TTF2: variants seen among roughly 807,000 people sequenced by gnomAD.
TTF2 encodes transcription termination factor 2.
A neutral mutation model predicts 142.4 loss-of-function variants in TTF2; 108 were observed. That is an observed-to-expected ratio of 0.76 (90% confidence interval 0.65 to 0.89). The LOEUF (loss-of-function observed/expected upper bound fraction) is 0.89, where lower values mean the gene tolerates loss of function less well. Ranked by LOEUF, TTF2 falls within the 40% of genes least tolerant of loss-of-function variation. TTF2 has a pLI of 0.00. For missense variants in TTF2, 1,327 were observed against 1,379.8 expected (o/e 0.96, Z 0.61); for synonymous variants, 483 against 506.2 (o/e 0.95, Z 0.61).
rs1656872823 is a variant in TTF2 at position 117,074,959 on chromosome 1, A to G, written c.375A>G (p.Pro125=). 2 of 1,613,922 alleles carry G rather than the reference A, an allele frequency of 1.2e-6. No homozygotes were observed. The highest frequency in any genetic ancestry group is 1.7e-6 in the Non-Finnish European group (2 of 1,180,036). The part of the protein sequence containing the change: ...FHHSSNWLRN[P]FKVLDKNQEP... Reference sequence around the variant, plus strand: ...ATTCTTCCAACTGGCTGAGAAATCCATTCAAGGTACTTGACAAGAATCAAG... The same window carrying G: ...ATTCTTCCAACTGGCTGAGAAATCCGTTCAAGGTACTTGACAAGAATCAAG... The change falls in exon 5 of 23, where the codon CCA becomes CCG. Residue 125 remains proline, a synonymous_variant. Coordinates refer to ENST00000369466, the MANE Select transcript of TTF2 (RefSeq NM_003594.4).
chr1:117,075,976 A>G lies in TTF2; in HGVS notation c.1275+117A>G, dbSNP rs575688979. 87 of 1,426,110 alleles carry G rather than the reference A, an allele frequency of 6.1e-5. No homozygotes were observed. The African/African-American group carries it at 1.1e-3, about 18-fold the overall frequency. 88.3% of individuals were successfully genotyped at this position (1,426,110 alleles called of 1,614,324 possible). ...GTTCATGTGAAGGTTTTATAGGTGCATGTTCAGTTTCTGCCTTTTCCCCTA... is the reference window on the plus strand; with the variant it reads ...GTTCATGTGAAGGTTTTATAGGTGCGTGTTCAGTTTCTGCCTTTTCCCCTA... On this transcript the variant is annotated intron_variant, in intron 5 of 22. Coordinates refer to ENST00000369466, the MANE Select transcript of TTF2 (RefSeq NM_003594.4). The surrounding 1 kb of genome is among the most constrained non-coding windows in gnomAD (Gnocchi z 4.5).
rs1297218462 is a variant in TTF2 at position 117,070,083 on chromosome 1, T to C, written c.219-3578T>C. On this transcript the variant is annotated intron_variant, in intron 3 of 22. Coordinates refer to ENST00000369466, the MANE Select transcript of TTF2 (RefSeq NM_003594.4). The surrounding 1 kb of genome is among the most constrained non-coding windows in gnomAD (Gnocchi z 4.2). ...AATCAGAAAAGCTCATCCAGATTGA[T>C]TTTAATTAAAAATGTAAGGGAAAGC... Among the ~76,000 whole-genome samples, 1 of 152,222 alleles carries C rather than the reference T, an allele frequency of 6.6e-6. No homozygotes were observed. The highest frequency in any genetic ancestry group is 6.5e-5 in the Admixed American group (1 of 15,278).
chr1:117,063,918 C>T lies in TTF2; in HGVS notation c.218+1445C>T, dbSNP rs1425406955. On this transcript the variant is annotated intron_variant, in intron 3 of 22. Coordinates refer to ENST00000369466, the MANE Select transcript of TTF2 (RefSeq NM_003594.4). The surrounding 1 kb of genome is among the most constrained non-coding windows in gnomAD (Gnocchi z 4.1). ...TATATTCTATACAATTTTATCCTGT[C>T]GAGTCATGTATCTACCACTACAGTC... is the stretch of plus-strand genomic sequence containing the variant. Among the ~76,000 whole-genome samples the T allele has an allele frequency of 1.3e-5, 2 of 152,092 alleles. No individual in the cohort carries two copies. The highest frequency in any genetic ancestry group is 4.8e-5 in the African/African-American group (2 of 41,400).
In TTF2 at chr1:117,090,496, A is replaced by G. The variant is rs746654648; in HGVS notation, c.2497-36A>G. ...GTTCTATAATAGGCAGTTAATTTGT[A>G]TAGCTTCATGCCAGCTTTTTTTTTT... is the stretch of plus-strand genomic sequence containing the variant. On this transcript the variant is annotated intron_variant, in intron 14 of 22. Coordinates refer to ENST00000369466, the MANE Select transcript of TTF2 (RefSeq NM_003594.4). This position sits in a 1 kb window ranked among gnomAD's most constrained non-coding sequence, Gnocchi z 4.8. The G allele has an allele frequency of 3.2e-5, 50 of 1,585,114 alleles. No individual in the cohort carries two copies. Among genetic ancestry groups the G allele is most frequent in the Middle Eastern group, 3.3e-4 (2 of 5,988 alleles).
At chr1:117,064,821 T>G (rs920331799) in intron 3 of TTF2, among the ~76,000 whole-genome samples, 1 of 63,292 alleles carries the variant, frequency 1.6e-5, no homozygotes, top group Non-Finnish European at 3.3e-5. Flanking sequence ...ACCTGGCCTG[T>G]TTTTTTTTTT....
chr1:117,081,118 T>A (rs573857691), intron 9 of TTF2, among the ~76,000 whole-genome samples: 12 of 152,234 alleles, frequency 7.9e-5, no homozygotes, highest in Non-Finnish European at 1.8e-4. Flanking sequence ...TAAGCAGGCC[T>A]TTCAAAGGAT....
chr1:117,065,161 TA>T (rs1655988495), intron 3 of TTF2, among the ~76,000 whole-genome samples: 1 of 152,238 alleles, frequency 6.6e-6, no homozygotes, highest in Non-Finnish European at 1.5e-5. Context: ...TTGGCTGCTC[TA>T]GGATCTTTGC....
chr1:117,101,300 T>C lies in TTF2; in HGVS notation c.3345-80T>C. 7.2e-7 allele frequency: 1 copy of C among 1,380,296 alleles called. No individual in the cohort carries two copies. Among genetic ancestry groups the C allele is most frequent in the Non-Finnish European group, 9.7e-7 (1 of 1,032,400 alleles). 85.5% of individuals were successfully genotyped at this position (1,380,296 alleles called of 1,614,324 possible). A position where few individuals can be genotyped will look rare whatever the true frequency, so the allele number is the denominator to read the frequency against. ...AGAAATCTCATTAAAAATGAAAGCA[T>C]AATAAAAGTTTGAATATATTATTAG... On this transcript the variant is annotated intron_variant, in intron 22 of 22. Coordinates refer to ENST00000369466, the MANE Select transcript of TTF2 (RefSeq NM_003594.4). The surrounding 1 kb of genome is among the most constrained non-coding windows in gnomAD (Gnocchi z 5.9).
At chr1:117,066,695 CT>C (rs530588185) in intron 3 of TTF2, among the ~76,000 whole-genome samples, 86,051 of 114,984 alleles carry the variant, frequency 0.75, 33,566 homozygotes, top group East Asian at 0.86. Context: ...CTAATCATGT[CT>C]TTTTTTTTTT....
rs1010792328 is a variant in TTF2, at chr1:117,087,004, G to A, written c.2160+482G>A. 6.6e-6 allele frequency among the ~76,000 whole-genome samples: 1 copy of A among 151,892 alleles called. No homozygotes were observed. The highest frequency in any genetic ancestry group is 2.4e-5 in the African/African-American group (1 of 41,320). On this transcript the variant is annotated intron_variant, in intron 12 of 22. Transcript: ENST00000369466. The surrounding 1 kb of genome is among the most constrained non-coding windows in gnomAD (Gnocchi z 4.8). ...GAGGCTAAGTGACAATTGTGAATACGTGATGGTCTTCTAGGGTGTCCAGGG... is the reference window on the plus strand; with the variant it reads ...GAGGCTAAGTGACAATTGTGAATACATGATGGTCTTCTAGGGTGTCCAGGG...
rs1321081865 is a variant in TTF2, at chr1:117,070,895, A to G, written c.219-2766A>G. 6.6e-6 allele frequency among the ~76,000 whole-genome samples: 1 copy of G among 152,148 alleles called. No homozygotes were observed. The highest frequency in any genetic ancestry group is 1.5e-5 in the Non-Finnish European group (1 of 68,024). On this transcript the variant is annotated intron_variant, in intron 3 of 22. Transcript: ENST00000369466. The surrounding 1 kb of genome is among the most constrained non-coding windows in gnomAD (Gnocchi z 4.2). ...TTATGTGTCCTGGTGAAGTAGTGGC[A>G]TCAAGGGACCAGGACCTGCTCAGGA...
chr1:117,079,641 G>A lies in TTF2; in HGVS notation c.1775G>A (p.Gly592Glu). The A allele has an allele frequency of 6.2e-7, 1 of 1,614,196 alleles. No homozygotes were observed. The highest frequency in any genetic ancestry group is 8.5e-7 in the Non-Finnish European group (1 of 1,180,014). Residue 592 changes from glycine (G) to glutamate (E), a missense_variant, in exon 9 of 23, where the codon GGA (glycine) becomes GAA (glutamate). Transcript: ENST00000369466. The surrounding 1 kb of genome is among the most constrained non-coding windows in gnomAD (Gnocchi z 4.2). The part of the protein sequence containing the change: ...LWRESQKPQG[G>E]ILADDMGLGK... ...CGAGAAAGTCAGAAGCCACAAGGAG[G>A]AATTCTGGGTAAGTGTGGTATTATA...
At chr1:117,089,881 C>T (rs1228096915) in intron 13 of TTF2, among the ~76,000 whole-genome samples, 174 bp from the exon 14 acceptor site, 1 of 152,162 alleles carries the variant, frequency 6.6e-6, no homozygotes, top group Non-Finnish European at 1.5e-5. Context: ...TATTGACTTA[C>T]ATCCTTTTGA....
rs1448823484 is a variant in TTF2, at chr1:117,092,235, AAAG to A, written c.2805+289_2805+291del. On this transcript the variant is annotated intron_variant, in intron 17 of 22. Coordinates refer to ENST00000369466, the MANE Select transcript of TTF2 (RefSeq NM_003594.4). The surrounding 1 kb of genome is among the most constrained non-coding windows in gnomAD (Gnocchi z 4.4). ...GAAAAGAAAATGATATTTTGTTTAA[AAAG>A]AAGCCATTTGTGAATGCTCTGGTAC... Among the ~76,000 whole-genome samples the A allele has an allele frequency of 6.6e-6, 1 of 152,200 alleles. No individual in the cohort carries two copies. The highest frequency in any genetic ancestry group is 1.5e-5 in the Non-Finnish European group (1 of 68,040).
At chr1:117,084,280 A>G in intron 11 of TTF2, 112 bp downstream of exon 11, 1 of 1,333,290 alleles carries the variant, frequency 7.5e-7, no homozygotes, top group Non-Finnish European at 1.0e-6. Context: ...TATTTGTGAA[A>G]GCCAAAGACA....
At chr1:117,077,294 G>A (rs1657094263) in intron 7 of TTF2, among the ~76,000 whole-genome samples, 1 of 152,176 alleles carries the variant, frequency 6.6e-6, no homozygotes, top group East Asian at 1.9e-4. Flanking sequence ...AGATTGTGCA[G>A]CTCAGTAGAG....
In TTF2 at chr1:117,090,203, C is replaced by A. The variant is rs756256145; in HGVS notation, c.2491C>A (p.Pro831Thr). Residue 831 changes from proline to threonine, a missense_variant, in exon 14 of 23, where the codon CCT becomes ACT. Transcript: ENST00000369466. The surrounding 1 kb of genome is among the most constrained non-coding windows in gnomAD (Gnocchi z 4.8). ...TKDQLDSTGR[P>T]LVILPQRKFQ... ...AGACCAGCTGGACTCTACTGGCAGA[C>A]CTTTGGTAATCAAGTTTGTACCTGT... The A allele has an allele frequency of 2.5e-6, 4 of 1,613,600 alleles. No homozygotes were observed. Among genetic ancestry groups the A allele is most frequent in the South Asian group, 2.2e-5 (2 of 90,966 alleles).
chr1:117,076,893 G>A lies in TTF2; in HGVS notation c.1573+70G>A. The A allele has an allele frequency of 7.0e-7, 1 of 1,423,622 alleles. No homozygotes were observed. The highest frequency in any genetic ancestry group is 9.5e-7 in the Non-Finnish European group (1 of 1,049,686). The allele number at this position is 1,423,622 out of a possible 1,614,324, so 88.2% of individuals were successfully genotyped here. ...GAGTTACGTGCCACCCGGTACAGTA[G>A]TCACCTCTTATCCACACTTTCAGTT... On this transcript the variant is annotated intron_variant, in intron 7 of 22. Coordinates refer to ENST00000369466, the MANE Select transcript of TTF2 (RefSeq NM_003594.4). This position sits in a 1 kb window ranked among gnomAD's most constrained non-coding sequence, Gnocchi z 4.6.
Position 117,070,779 on chromosome 1 carries a change from T to G in TTF2, c.219-2882T>G, listed in dbSNP as rs1358787473. On this transcript the variant is annotated intron_variant, in intron 3 of 22. Transcript: ENST00000369466. This position sits in a 1 kb window ranked among gnomAD's most constrained non-coding sequence, Gnocchi z 4.2. Reference sequence around the variant, plus strand: ...AAATTGTGAACTTGGATGGGAAAATTGTGTTTGTACAAGAGGGAGGGGCTG... The same window carrying G: ...AAATTGTGAACTTGGATGGGAAAATGGTGTTTGTACAAGAGGGAGGGGCTG... Among the ~76,000 whole-genome samples the G allele has an allele frequency of 6.6e-6, 1 of 152,140 alleles. No homozygotes were observed. Among genetic ancestry groups the G allele is most frequent in the African/African-American group, 2.4e-5 (1 of 41,412 alleles).
Sources: allele counts gnomAD v4.1 joint callset (sites outside exome capture counted in the v4.1 genomes callset), GRCh38; gene constraint gnomAD v4.1.1; non-coding constraint Gnocchi (gnomAD v3.1); transcripts MANE v1.5; gene names NCBI Gene and HGNC (gene_info 2026-07-23, HGNC 2026-07-21).